ABR: variants seen among roughly 807,000 people sequenced by gnomAD.
The protein encoded by ABR is ABR activator of RhoGEF and GTPase.
Under a neutral mutation model 107.2 loss-of-function variants are expected in ABR, and 35 were observed. The ratio of observed to expected loss-of-function variants is 0.33; its 90% CI spans 0.25 to 0.43. ABR has a LOEUF of 0.43. ABR is among the 20% of genes least tolerant of loss of function. The pLI is 1.00. For missense variants in ABR, 815 were observed against 1,115.2 expected (o/e 0.73, Z 3.83); for synonymous variants, 498 against 462.0 (o/e 1.08, Z -1.00).
chr17:1,139,503 C>T (rs1222239581), intron 1 of ABR, among the ~76,000 whole-genome samples: 3 of 152,032 alleles, frequency 2.0e-5, no homozygotes, highest in South Asian at 2.1e-4. Context: ...CCACCCGCCT[C>T]GGCCTCCCAA....
chr17:1,099,959 C>T (rs1490188826), intron 3 of ABR, among the ~76,000 whole-genome samples: 1 of 152,048 alleles, frequency 6.6e-6, no homozygotes, highest in African/African-American at 2.4e-5. Flanking sequence ...AAAATCCTGT[C>T]TCTACTAAAT....
intron 16 of ABR, among the ~76,000 whole-genome samples, chr17:1,047,358 G>C (rs984907503): frequency 6.6e-6 from 1 of 152,246 alleles, no homozygotes; most frequent in Non-Finnish European, 1.5e-5. Flanking sequence ...CGTGGGGCCC[G>C]GGTTCGTGGG....
chr17:1,072,645 C>T lies in ABR; in HGVS notation c.863G>A (p.Arg288His), dbSNP rs761667866. 7 of 1,611,354 alleles carry T rather than the reference C, an allele frequency of 4.3e-6. No homozygotes were observed. Among genetic ancestry groups the T allele is most frequent in the East Asian group, 2.2e-5 (1 of 44,766 alleles). ...CTTGGGCGTTGTCACTGCAGTCCGG[C>T]GGGGGTCGATGTCCTCGTTGATGCT... Reference protein sequence around the residue: ...LSSINEDIDPRRTAVTTPKGE... With the variant: ...LSSINEDIDPHRTAVTTPKGE... The change falls in exon 8 of 23, where the codon CGC becomes CAC. Residue 288 changes from arginine (R) to histidine (H), a missense_variant. Arg to His is a conservative substitution (Grantham distance 29). This residue lies in a region of ABR where 385 missense variants were observed against 596.9 expected (regional missense o/e 0.64). Transcript: ENST00000302538.
chr17:1,083,387 A>C, intron 5 of ABR, 133 bp downstream of exon 5: 1 of 478,390 alleles, frequency 2.1e-6, no homozygotes, highest in East Asian at 3.2e-5. Context: ...GCAAGAAAGC[A>C]AATATCAGGC....
At chr17:1,093,266 C>G (rs1375571644) in intron 3 of ABR, among the ~76,000 whole-genome samples, 1 of 151,872 alleles carries the variant, frequency 6.6e-6, no homozygotes, top group South Asian at 2.1e-4. Flanking sequence ...GCCAGGAGTT[C>G]GAGACAAGTC....
intron 1 of ABR, chr17:1,153,917 T>G: frequency 5.5e-6 from 1 of 183,070 alleles, no homozygotes; most frequent in Non-Finnish European, 1.2e-5. Context: ...GTTTGAAGCC[T>G]GGTGGTCACC....
chr17:1,025,954 G>A lies in ABR; in HGVS notation c.1792-12790C>T, dbSNP rs61051822. ...GAGGTGACAATGGCTCCCCGCCGGG[G>A]CTGCTTCAGGACAGGGCTCAAGAAG... On this transcript the variant is annotated intron_variant, in intron 16 of 22. Coordinates refer to ENST00000302538, the MANE Select transcript of ABR (RefSeq NM_021962.5). Among the ~76,000 whole-genome samples, 389 of 152,312 alleles carry A rather than the reference G, an allele frequency of 2.6e-3. 2 individuals carry two copies. The highest frequency in any genetic ancestry group is 8.3e-3 in the African/African-American group (343 of 41,564).
chr17:1,139,337 C>T (rs1597947616), intron 1 of ABR, among the ~76,000 whole-genome samples: 2 of 152,266 alleles, frequency 1.3e-5, no homozygotes, highest in East Asian at 1.9e-4. Context: ...CTGCAAGCTC[C>T]GCCTCCCGGG....
intron 1 of ABR, among the ~76,000 whole-genome samples, chr17:1,162,594 T>G (rs908204736): frequency 4.6e-5 from 7 of 152,242 alleles, no homozygotes; most frequent in Middle Eastern, 3.2e-3. Flanking sequence ...ATTTCCGTCA[T>G]AGCTCTCCCC....
chr17:1,166,399 C>T (rs2041507420), intron 1 of ABR, among the ~76,000 whole-genome samples: 1 of 152,082 alleles, frequency 6.6e-6, no homozygotes, highest in Non-Finnish European at 1.5e-5. Context: ...ACAGCATCCC[C>T]AAGCAGAGGA....
At chr17:1,137,697 C>A (rs1296560928) in intron 1 of ABR, among the ~76,000 whole-genome samples, 1 of 152,130 alleles carries the variant, frequency 6.6e-6, no homozygotes. Context: ...CCACACACTT[C>A]CAACTGGTGA....
chr17:1,211,521 T>G (rs1382585997), intron 1 of ABR, among the ~76,000 whole-genome samples: 1 of 152,176 alleles, frequency 6.6e-6, no homozygotes, highest in African/African-American at 2.4e-5. Context: ...CATTATTGAT[T>G]GATTATTCAC....
chr17:1,067,209 G>C lies in ABR; in HGVS notation c.1050C>G (p.Ile350Met). Residue 350 changes from isoleucine (I) to methionine (M), a missense_variant, in exon 10 of 23, where the codon ATC becomes ATG. Transcript: ENST00000302538. ...KHQQYDCKWY[I>M]PLADLVFPSP... is the part of the protein sequence containing the mutation. ...ATGGAAACACCAGGTCGGCCAGGGGGATGTACCACTTACAGTCATACTGCT... is the reference window on the plus strand; with the variant it reads ...ATGGAAACACCAGGTCGGCCAGGGGCATGTACCACTTACAGTCATACTGCT... 1 of 1,609,808 alleles carries C rather than the reference G, an allele frequency of 6.2e-7. No individual in the cohort carries two copies. The highest frequency in any genetic ancestry group is 1.1e-5 in the South Asian group (1 of 90,476).
At chr17:1,142,090 C>T (rs910869964) in intron 1 of ABR, among the ~76,000 whole-genome samples, 1 of 151,990 alleles carries the variant, frequency 6.6e-6, no homozygotes, top group African/African-American at 2.4e-5. Flanking sequence ...ATAACTGTTC[C>T]AATCTTCACT....
chr17:1,053,306 G>T (rs1247009259), intron 14 of ABR, among the ~76,000 whole-genome samples: 1 of 90,742 alleles, frequency 1.1e-5, no homozygotes, highest in Non-Finnish European at 2.2e-5. Flanking sequence ...GAAGGGGCTG[G>T]GGGAGGGTTC....
chr17:1,099,991 T>C (rs1372782461), intron 3 of ABR, among the ~76,000 whole-genome samples: 1 of 152,000 alleles, frequency 6.6e-6, no homozygotes, highest in Non-Finnish European at 1.5e-5. Flanking sequence ...CCAGGACTGG[T>C]GGCGTGCACG....
At chr17:1,176,303 A>C (rs2041917385) in intron 1 of ABR, among the ~76,000 whole-genome samples, 1 of 152,184 alleles carries the variant, frequency 6.6e-6, no homozygotes, top group South Asian at 2.1e-4. Context: ...CGTTTCAGGG[A>C]GAACTCTGCA....
At chr17:1,029,041 G>C (rs1641834056) in intron 16 of ABR, among the ~76,000 whole-genome samples, 1 of 150,656 alleles carries the variant, frequency 6.6e-6, no homozygotes, top group African/African-American at 2.4e-5. Context: ...GAATCTAGAA[G>C]AGGGAAGGAT....
At chr17:1,057,308 T>TTGTGTGTGTGTG (rs750525310) in intron 12 of ABR, among the ~76,000 whole-genome samples, 6 of 68,030 alleles carry the variant, frequency 8.8e-5, no homozygotes, top group Non-Finnish European at 6.1e-5. Flanking sequence ...CTGAAGAGGT[T>TTGTGTGTGTGTG]TGTGTGTGTG....
Sources: gnomAD v4.1 joint callset for allele counts (sites outside exome capture counted in the v4.1 genomes callset) on GRCh38, gnomAD v4.1.1 for gene constraint, gnomAD v4.1.1 regional missense constraint, MANE v1.5 for transcripts, NCBI Gene and HGNC (gene_info 2026-07-23, HGNC 2026-07-21) for gene names.